The following AKT3 variants were observed in gnomAD, a reference collection of about 807,000 sequenced individuals.
The protein encoded by AKT3 is AKT serine/threonine kinase 3, also known as RAC-gamma serine/threonine-protein kinase.
AKT3 carries 15 observed loss-of-function variants against 65.3 expected under a neutral mutation model. The ratio of observed to expected loss-of-function variants is 0.23; its 90% confidence interval spans 0.15 to 0.35. The LOEUF is 0.35. Among genes scored for constraint, AKT3 ranks in the 10% least tolerant of loss-of-function variants. The pLI, the probability that AKT3 is intolerant of heterozygous loss-of-function variation, is 1.00. For missense variants in AKT3, 243 were observed against 576.5 expected (o/e 0.42, Z 5.92); for synonymous variants, 206 against 183.8 (o/e 1.12, Z -0.98).
chr1:243,690,622 T>C (rs1311079097), intron 3 of AKT3, among the ~76,000 whole-genome samples: 1 of 152,078 alleles, frequency 6.6e-6, no homozygotes, highest in African/African-American at 2.4e-5. Flanking sequence ...TCTACAGGCC[T>C]TGTGGAGTTT....
chr1:243,524,458 A>G (rs1262828986), intron 12 of AKT3, among the ~76,000 whole-genome samples: 1 of 152,236 alleles, frequency 6.6e-6, no homozygotes, highest in South Asian at 2.1e-4. Flanking sequence ...TAATGAAATT[A>G]CACGTTCTCT....
intron 12 of AKT3, among the ~76,000 whole-genome samples, chr1:243,516,881 C>A (rs965980031): frequency 6.6e-6 from 1 of 152,184 alleles, no homozygotes; most frequent in Admixed American, 6.5e-5. Flanking sequence ...AGCTACTGTG[C>A]CCAGTCCTAG....
At chr1:243,558,086 A>C (rs1240444228) in intron 10 of AKT3, among the ~76,000 whole-genome samples, 1 of 152,048 alleles carries the variant, frequency 6.6e-6, no homozygotes, top group East Asian at 1.9e-4. Context: ...GATCTCCTAA[A>C]AACAACATTG....
intron 2 of AKT3, among the ~76,000 whole-genome samples, chr1:243,744,503 G>A (rs1688352458): frequency 1.3e-5 from 2 of 152,042 alleles, no homozygotes; most frequent in African/African-American, 2.4e-5. Flanking sequence ...ACTTTGGGAG[G>A]CCGAGGCGGG....
At chr1:243,816,839 G>T (rs1693554817) in intron 2 of AKT3, among the ~76,000 whole-genome samples, 1 of 152,128 alleles carries the variant, frequency 6.6e-6, no homozygotes, top group Non-Finnish European at 1.5e-5. Context: ...AGATAATAAG[G>T]TGCTATGCTA....
Position 243,661,578 on chromosome 1 carries a change from G to A in AKT3, c.284+3194C>T, listed in dbSNP as rs1421444649. Among the ~76,000 whole-genome samples the A allele has an allele frequency of 1.6e-4, 24 of 150,994 alleles. 1 individual carries two copies. Among genetic ancestry groups the A allele is most frequent in the South Asian group, 4.2e-4 (2 of 4,772 alleles). ...TTCAAGATGGATTAAAGACTTAAAC[G>A]TTAGACCTAAAACCATAAAAACCCT... On this transcript the variant is annotated intron_variant, in intron 4 of 13. Coordinates refer to ENST00000673466, the MANE Select transcript of AKT3 (RefSeq NM_005465.7).
intron 4 of AKT3, among the ~76,000 whole-genome samples, chr1:243,656,886 T>C (rs1202657244): frequency 6.6e-6 from 1 of 152,292 alleles, no homozygotes; most frequent in African/African-American, 2.4e-5. Flanking sequence ...AAAGTACATA[T>C]ACAAATCATA....
intron 2 of AKT3, among the ~76,000 whole-genome samples, chr1:243,820,385 G>A (rs1693786859): frequency 6.6e-6 from 1 of 152,168 alleles, no homozygotes; most frequent in Admixed American, 6.5e-5. Flanking sequence ...CCAAAAGCCA[G>A]ACTGCCTCTT....
chr1:243,662,450 G>A (rs1436925242), intron 4 of AKT3, among the ~76,000 whole-genome samples: 9 of 150,166 alleles, frequency 6.0e-5, no homozygotes, highest in Non-Finnish European at 7.4e-5. Context: ...GTAAACTATC[G>A]CAAGGACAAA....
rs137897400 is a variant in AKT3 at position 243,489,629 on chromosome 1, T to C, written c.*7-1179A>G. Among the ~76,000 whole-genome samples, 624 of 152,246 alleles carry C rather than the reference T, an allele frequency of 4.1e-3. 4 individuals carry two copies. The highest frequency in any genetic ancestry group is 0.015 in the African/African-American group (604 of 41,530). On this transcript the variant is annotated intron_variant, in intron 13 of 13. Coordinates refer to the AKT3 transcript ENST00000336199. ...CTGATTACTGGGCTAATATCTGGAG[T>C]GCTTGCAGAGCACCCGGCAGTGTTA...
intron 3 of AKT3, among the ~76,000 whole-genome samples, chr1:243,666,114 A>T (rs1181445891): frequency 2.6e-5 from 4 of 151,996 alleles, no homozygotes; most frequent in African/African-American, 9.7e-5. Flanking sequence ...AGTGATTGTC[A>T]TGCCTCAGCC....
chr1:243,753,123 C>A (rs755476767), intron 2 of AKT3, among the ~76,000 whole-genome samples: 1 of 152,188 alleles, frequency 6.6e-6, no homozygotes, highest in Non-Finnish European at 1.5e-5. Flanking sequence ...ATATCACCAT[C>A]CGATTTCACA....
intron 8 of AKT3, among the ~76,000 whole-genome samples, chr1:243,585,616 G>A (rs1281385985): frequency 1.3e-5 from 2 of 152,026 alleles, no homozygotes; most frequent in Non-Finnish European, 2.9e-5. Flanking sequence ...CTTTGGCAAG[G>A]CTGACAAAAA....
intron 2 of AKT3, among the ~76,000 whole-genome samples, chr1:243,804,550 G>T (rs1030548171): frequency 6.6e-6 from 1 of 152,050 alleles, no homozygotes; most frequent in African/African-American, 2.4e-5. Flanking sequence ...CATTTTTCAA[G>T]AATACAATAT....
chr1:243,846,547 A>G (rs757264644), intron 1 of AKT3, among the ~76,000 whole-genome samples: 11 of 152,202 alleles, frequency 7.2e-5, no homozygotes, highest in Non-Finnish European at 1.3e-4. Flanking sequence ...TCTACCCATT[A>G]GTATTCAAAG....
intron 8 of AKT3, among the ~76,000 whole-genome samples, chr1:243,609,475 T>C (rs1291566952): frequency 6.6e-6 from 1 of 151,996 alleles, no homozygotes; most frequent in Non-Finnish European, 1.5e-5. Flanking sequence ...CTGGCCAACA[T>C]GGCCAAACCC....
chr1:243,733,970 C>A (rs1434218310), intron 2 of AKT3, among the ~76,000 whole-genome samples: 2 of 152,086 alleles, frequency 1.3e-5, no homozygotes, highest in African/African-American at 2.4e-5. Context: ...ATTCTAAAAC[C>A]AAAATTTTCA....
chr1:243,701,656 G>GA (rs1050773441), intron 2 of AKT3, among the ~76,000 whole-genome samples: 1 of 31,430 alleles, frequency 3.2e-5, no homozygotes. Flanking sequence ...TCTTACCTAA[G>GA]AAAAAATGCA....
chr1:243,750,728 C>A (rs1282303199), intron 2 of AKT3, among the ~76,000 whole-genome samples: 1 of 151,806 alleles, frequency 6.6e-6, no homozygotes, highest in African/African-American at 2.4e-5. Context: ...ACTACAGGTG[C>A]CTGCCATCAC....
Sources: gnomAD v4.1 joint callset for allele counts (sites outside exome capture counted in the v4.1 genomes callset) on GRCh38, gnomAD v4.1.1 for gene constraint, MANE v1.5 for transcripts, NCBI Gene and HGNC (gene_info 2026-07-23, HGNC 2026-07-21) for gene names.